SERINC5: variants seen among roughly 807,000 people sequenced by gnomAD.
SERINC5 encodes chromosome 5 open reading frame 12.
In SERINC5, 41 loss-of-function variants were observed where a neutral mutation model predicts 63.1. The observed-to-expected ratio is 0.65, with a 90% CI of 0.51 to 0.84. The LOEUF (loss-of-function observed/expected upper bound fraction) is 0.84. SERINC5 is among the 40% of genes least tolerant of loss of function. The pLI is 0.00. For missense variants in SERINC5, 523 were observed against 573.0 expected, an observed-to-expected ratio of 0.91 and a Z score of 0.89; for synonymous variants, 222 against 215.2, an observed-to-expected ratio of 1.03 and a Z score of -0.28.
intron 1 of SERINC5, among the ~76,000 whole-genome samples, chr5:80,204,562 G>A (rs983333876): frequency 3.3e-5 from 5 of 152,190 alleles, no homozygotes; most frequent in African/African-American, 7.2e-5. Flanking sequence ...TTGTTCTGGT[G>A]CTATCTTTAA....
At chr5:80,207,365 AT>A (rs888432325) in intron 1 of SERINC5, among the ~76,000 whole-genome samples, 11 of 152,242 alleles carry the variant, frequency 7.2e-5, no homozygotes, top group Non-Finnish European at 1.3e-4. Flanking sequence ...GAAAATAAGT[AT>A]TTTGGAAACA....
intron 1 of SERINC5, among the ~76,000 whole-genome samples, chr5:80,214,932 C>G (rs1452859590): frequency 6.6e-6 from 1 of 152,010 alleles, no homozygotes; most frequent in Non-Finnish European, 1.5e-5. Flanking sequence ...TTTATGTATG[C>G]ATTTTTTACC....
At chr5:80,194,450 G>A (rs955588548) in intron 2 of SERINC5, among the ~76,000 whole-genome samples, 3 of 152,146 alleles carry the variant, frequency 2.0e-5, no homozygotes, top group Admixed American at 6.5e-5. Flanking sequence ...GGATCAAAGC[G>A]GAATATTTTT....
At chr5:80,208,445 C>A (rs74500934) in intron 1 of SERINC5, among the ~76,000 whole-genome samples, 3 of 151,960 alleles carry the variant, frequency 2.0e-5, no homozygotes, top group Admixed American at 1.3e-4. Flanking sequence ...GCCTGCCCCC[C>A]CAAACGACTC....
chr5:80,145,095 CT>C (rs1259400429), intron 11 of SERINC5, among the ~76,000 whole-genome samples: 1 of 151,742 alleles, frequency 6.6e-6, no homozygotes, highest in Non-Finnish European at 1.5e-5. Flanking sequence ...AATCTCAGCA[CT>C]TTGGGAGGCT....
intron 1 of SERINC5, among the ~76,000 whole-genome samples, chr5:80,250,209 A>C (rs905780451): frequency 1.3e-5 from 2 of 152,230 alleles, no homozygotes; most frequent in South Asian, 2.1e-4. Context: ...CAAGTCCACG[A>C]AGCAGAAATT....
intron 11 of SERINC5, among the ~76,000 whole-genome samples, chr5:80,114,229 A>G (rs1227721118): frequency 6.6e-6 from 1 of 151,974 alleles, no homozygotes; most frequent in East Asian, 1.9e-4. Flanking sequence ...GGTTTAATTG[A>G]CTCACAGTTC....
intron 5 of SERINC5, among the ~76,000 whole-genome samples, chr5:80,171,516 G>A (rs1246666458): frequency 6.6e-6 from 1 of 152,070 alleles, no homozygotes; most frequent in East Asian, 1.9e-4. Flanking sequence ...GAATAGTAAA[G>A]GAAAATTTGA....
chr5:80,229,493 T>C (rs186264496), intron 1 of SERINC5, among the ~76,000 whole-genome samples: 51 of 152,256 alleles, frequency 3.3e-4, no homozygotes, highest in South Asian at 2.1e-4. Context: ...CTCACCTACA[T>C]TGAACATTCA....
At chr5:80,223,540 A>G (rs898025367) in intron 1 of SERINC5, among the ~76,000 whole-genome samples, 17 of 152,198 alleles carry the variant, frequency 1.1e-4, no homozygotes, top group Admixed American at 8.5e-4. Flanking sequence ...TTATAAAATT[A>G]TAACTGGTTA....
At position 80,140,194 on chromosome 5, in the gene SERINC5, C is replaced by T; in HGVS notation, c.*3469G>A. The T allele has an allele frequency of 1.4e-6, 1 of 737,172 alleles. No homozygotes were observed. The highest frequency in any genetic ancestry group is 1.9e-5 in the African/African-American group (1 of 51,316). The allele number at this position is 737,172 out of a possible 1,614,324, so 45.7% of individuals were successfully genotyped here. On this transcript the variant is annotated 3_prime_UTR_variant, in exon 12 of 12. Coordinates refer to ENST00000507668, the MANE Select transcript of SERINC5 (RefSeq NM_001174072.3). ...ATCGGCCAGGTGTGATGGGGCAAAC[C>T]TGTGGTCTCAGCTACTTGGGAGGTG...
At chr5:80,111,288 G>A (rs1236635212), downstream of SERINC5, among the ~76,000 whole-genome samples, 2 of 152,108 alleles carry the variant, frequency 1.3e-5, no homozygotes, top group African/African-American at 2.4e-5. Context: ...AAATTCTCTC[G>A]GCCCTGAAGA....
chr5:80,247,355 C>CAGAAA lies in SERINC5; in HGVS notation c.27+8540_27+8541insTTTCT, dbSNP rs1561454685. ...TCAGTATCTGTGGGAAATCTACAGC[C>CAGAAA]TCTATACAGAAAACGAGGGCGGAAA... is the stretch of plus-strand genomic sequence containing the variant. On this transcript the variant is annotated intron_variant, in intron 1 of 11. Transcript: ENST00000507668. Among the ~76,000 whole-genome samples the CAGAAA allele has an allele frequency of 3.8e-4, 58 of 152,230 alleles. 1 individual carries two copies. In the South Asian group the frequency reaches 0.012, roughly 31 times the overall value.
At chr5:80,184,636 G>C (rs1357446656) in intron 2 of SERINC5, among the ~76,000 whole-genome samples, 1 of 152,130 alleles carries the variant, frequency 6.6e-6, no homozygotes, top group Non-Finnish European at 1.5e-5. Flanking sequence ...TCAGTATGTG[G>C]TAAGTATTTT....
At chr5:80,226,815 C>T (rs1197198473) in intron 1 of SERINC5, among the ~76,000 whole-genome samples, 1 of 152,158 alleles carries the variant, frequency 6.6e-6, no homozygotes, top group Non-Finnish European at 1.5e-5. Context: ...TTACTTCATC[C>T]TCACAATAAT....
At chr5:80,229,185 G>A (rs981211323) in intron 1 of SERINC5, among the ~76,000 whole-genome samples, 4 of 151,352 alleles carry the variant, frequency 2.6e-5, no homozygotes, top group Admixed American at 2.0e-4. Context: ...CACCACGCCC[G>A]GCTAATTTTT....
At chr5:80,212,377 C>A (rs1289811326) in intron 1 of SERINC5, among the ~76,000 whole-genome samples, 1 of 152,098 alleles carries the variant, frequency 6.6e-6, no homozygotes, top group Non-Finnish European at 1.5e-5. Flanking sequence ...AACAACACTG[C>A]ATCTTTTAAC....
In SERINC5 at chr5:80,169,544, G is replaced by T; in HGVS notation, c.554C>A (p.Thr185Lys). The T allele has an allele frequency of 6.2e-7, 1 of 1,611,470 alleles. No individual in the cohort carries two copies. The highest frequency in any genetic ancestry group is 1.7e-5 in the Admixed American group (1 of 59,586). The part of the protein sequence containing the change: ...EFAHKWNKNW[T>K]AGTASNKLWY... ...CAGCTTGTTACTGGCTGTGCCTGCT[G>T]TCCTGTTTCTCCGGGAAGTGGGTAA... The change falls in exon 6 of 12, where the codon ACA (threonine) becomes AAA (lysine). Residue 185 changes from threonine to lysine, a missense_variant and splice_region_variant. Coordinates refer to ENST00000507668, the MANE Select transcript of SERINC5 (RefSeq NM_001174072.3).
intron 1 of SERINC5, among the ~76,000 whole-genome samples, chr5:80,215,466 T>C (rs979174713): frequency 6.6e-6 from 1 of 152,222 alleles, no homozygotes; most frequent in East Asian, 1.9e-4. Flanking sequence ...TTTATAGTAA[T>C]GCAAGAACAG....
Sources: allele counts gnomAD v4.1 joint callset (sites outside exome capture counted in the v4.1 genomes callset), GRCh38; gene constraint gnomAD v4.1.1; transcripts MANE v1.5; gene names NCBI Gene and HGNC (gene_info 2026-07-23, HGNC 2026-07-21).